GALNTL6: variants seen among roughly 807,000 people sequenced by gnomAD.
GALNTL6 encodes the protein polypeptide N-acetylgalactosaminyltransferase-like 6.
Under a neutral mutation model 73.7 loss-of-function variants are expected in GALNTL6, and 46 were observed. The observed-to-expected ratio is 0.62, with a 90% CI of 0.49 to 0.80. The LOEUF (loss-of-function observed/expected upper bound fraction) is 0.80. Among genes scored for constraint, GALNTL6 ranks in the 30% least tolerant of loss-of-function variants. The pLI is 0.00. For missense variants in GALNTL6, 604 were observed against 755.0 expected, an observed-to-expected ratio of 0.80 and a Z score of 2.34; for synonymous variants, 259 against 263.7, an observed-to-expected ratio of 0.98 and a Z score of 0.17.
At chr4:171,856,545 G>T (rs1459447858) in intron 2 of GALNTL6, among the ~76,000 whole-genome samples, 1 of 152,124 alleles carries the variant, frequency 6.6e-6, no homozygotes, top group African/African-American at 2.4e-5. Flanking sequence ...TTATGGTTTT[G>T]AATATTATAT....
intron 5 of GALNTL6, among the ~76,000 whole-genome samples, chr4:172,737,369 G>A (rs947328954): frequency 2.2e-4 from 34 of 151,560 alleles, no homozygotes; most frequent in African/African-American, 7.7e-4. Flanking sequence ...TGAACTCACT[G>A]ATTCTTTCCT....
intron 5 of GALNTL6, among the ~76,000 whole-genome samples, chr4:172,367,445 A>G (rs1015056632): frequency 6.6e-6 from 1 of 152,000 alleles, no homozygotes; most frequent in Admixed American, 6.5e-5. Flanking sequence ...GAATGCCTTC[A>G]TAAGGCCCCT....
At chr4:172,579,975 T>C (rs1186195178) in intron 5 of GALNTL6, among the ~76,000 whole-genome samples, 1 of 152,178 alleles carries the variant, frequency 6.6e-6, no homozygotes, top group Admixed American at 6.5e-5. Flanking sequence ...CTCAAATTCG[T>C]AGACATATAT....
intron 5 of GALNTL6, among the ~76,000 whole-genome samples, chr4:172,362,582 C>T (rs1376748519): frequency 6.6e-6 from 1 of 152,038 alleles, no homozygotes; most frequent in African/African-American, 2.4e-5. Flanking sequence ...CATAATTGTG[C>T]ACACTATACC....
At chr4:171,876,894 G>T (rs1230412560) in intron 2 of GALNTL6, among the ~76,000 whole-genome samples, 2 of 152,128 alleles carry the variant, frequency 1.3e-5, no homozygotes, top group African/African-American at 4.8e-5. Flanking sequence ...ACCACGTTTG[G>T]GTGATCTTCC....
intron 5 of GALNTL6, among the ~76,000 whole-genome samples, chr4:172,409,238 T>TA (rs1299747840): frequency 1.3e-5 from 2 of 152,020 alleles, no homozygotes; most frequent in Non-Finnish European, 2.9e-5. Flanking sequence ...ATATCCCAAG[T>TA]AAGATATTCC....
intron 2 of GALNTL6, among the ~76,000 whole-genome samples, chr4:172,064,928 G>T (rs1051570371): frequency 4.6e-5 from 7 of 151,988 alleles, no homozygotes; most frequent in Admixed American, 4.6e-4. Flanking sequence ...AAATATTTTA[G>T]TAAGTTTTAC....
intron 5 of GALNTL6, among the ~76,000 whole-genome samples, chr4:172,481,354 A>G (rs1325016819): frequency 1.3e-5 from 2 of 152,052 alleles, no homozygotes; most frequent in Non-Finnish European, 2.9e-5. Flanking sequence ...GGACCCAAAG[A>G]GTGAGCACCA....
intron 5 of GALNTL6, among the ~76,000 whole-genome samples, chr4:172,528,157 A>C (rs1273864048): frequency 1.3e-5 from 2 of 151,440 alleles, no homozygotes; most frequent in African/African-American, 4.8e-5. Context: ...GTTCAAAAAG[A>C]ATAAAACATT....
intron 5 of GALNTL6, among the ~76,000 whole-genome samples, chr4:172,433,360 C>G (rs1285093395): frequency 6.6e-6 from 1 of 151,990 alleles, no homozygotes; most frequent in African/African-American, 2.4e-5. Context: ...CCACCCTCAG[C>G]CCCCCGCCTG....
intron 5 of GALNTL6, among the ~76,000 whole-genome samples, chr4:172,466,886 G>C (rs1413848760): frequency 6.6e-6 from 1 of 151,742 alleles, no homozygotes; most frequent in Non-Finnish European, 1.5e-5. Flanking sequence ...CCTCTGAAAG[G>C]TTTCGAATCT....
chr4:172,743,509 G>A (rs1736916922), intron 5 of GALNTL6, among the ~76,000 whole-genome samples: 1 of 151,992 alleles, frequency 6.6e-6, no homozygotes, highest in Non-Finnish European at 1.5e-5. Flanking sequence ...GACACCCTCT[G>A]GAAACTTTAC....
chr4:172,788,350 C>T (rs1025405832), intron 5 of GALNTL6, among the ~76,000 whole-genome samples: 3 of 151,534 alleles, frequency 2.0e-5, no homozygotes, highest in African/African-American at 7.3e-5. Flanking sequence ...CCAGCCTAAG[C>T]TAGAGCAAGA....
At chr4:172,310,975 A>C (rs537562298) in intron 3 of GALNTL6, among the ~76,000 whole-genome samples, 1 of 152,226 alleles carries the variant, frequency 6.6e-6, no homozygotes, top group South Asian at 2.1e-4. Flanking sequence ...CAAATGATAA[A>C]GATATAAGAA....
At chr4:172,005,954 C>T (rs17057866) in intron 2 of GALNTL6, among the ~76,000 whole-genome samples, 1 of 152,136 alleles carries the variant, frequency 6.6e-6, no homozygotes, top group South Asian at 2.1e-4. Flanking sequence ...AGATGCACAT[C>T]TCTGAAAAAT....
chr4:172,760,187 T>TC (rs1054722905), intron 5 of GALNTL6, among the ~76,000 whole-genome samples: 6 of 152,156 alleles, frequency 3.9e-5, no homozygotes, highest in Non-Finnish European at 8.8e-5. Flanking sequence ...ATGGGGCCAG[T>TC]CAACCACCCA....
intron 5 of GALNTL6, among the ~76,000 whole-genome samples, chr4:172,360,792 A>T (rs1361747119): frequency 1.3e-5 from 2 of 152,208 alleles, no homozygotes; most frequent in African/African-American, 4.8e-5. Flanking sequence ...TAGTATGTAG[A>T]AGTTGAAAGA....
chr4:172,140,065 G>A (rs1012482510), intron 2 of GALNTL6, among the ~76,000 whole-genome samples: 2 of 151,346 alleles, frequency 1.3e-5, no homozygotes, highest in African/African-American at 4.9e-5. Flanking sequence ...TAGTTCTATT[G>A]TATGTACTCT....
intron 2 of GALNTL6, among the ~76,000 whole-genome samples, chr4:171,839,839 C>G (rs1215580545): frequency 1.3e-5 from 2 of 152,112 alleles, no homozygotes; most frequent in East Asian, 3.9e-4. Flanking sequence ...CCTATAGGCT[C>G]TTTATCATGC....
Sources: gnomAD v4.1 joint callset for allele counts (sites outside exome capture counted in the v4.1 genomes callset) on GRCh38, gnomAD v4.1.1 for gene constraint, MANE v1.5 for transcripts, NCBI Gene and HGNC (gene_info 2026-07-23, HGNC 2026-07-21) for gene names.